Variants in CDH7 observed in about 807,000 individuals in gnomAD.
CDH7 encodes the protein cadherin 7.
CDH7 carries 25 observed loss-of-function variants against 71.8 expected under a neutral mutation model. That is an observed-to-expected ratio of 0.35 (90% confidence interval 0.25 to 0.49). The LOEUF is 0.49. CDH7 is among the 20% of genes least tolerant of loss of function. The pLI, the probability that CDH7 is intolerant of heterozygous loss-of-function variation, is 0.99. For missense variants in CDH7, 862 were observed against 974.6 expected (o/e 0.88, Z 1.54); for synonymous variants, 381 against 363.8 (o/e 1.05, Z -0.54).
chr18:65,750,776 C>T (rs2143759195), upstream of CDH7: 1 of 152,534 alleles, frequency 6.6e-6, no homozygotes, highest in East Asian at 1.9e-4. Context: ...CCGGCGCGCT[C>T]TCTCCTCCTC....
intron 7 of CDH7, among the ~76,000 whole-genome samples, chr18:65,848,705 ATAT>A (rs1176870949): frequency 1.3e-5 from 2 of 152,222 alleles, no homozygotes; most frequent in African/African-American, 4.8e-5. Flanking sequence ...ATAGAACATG[ATAT>A]TATTACAAAT....
At chr18:65,831,633 T>C (rs1424187880) in intron 6 of CDH7, among the ~76,000 whole-genome samples, 1 of 152,084 alleles carries the variant, frequency 6.6e-6, no homozygotes, top group Non-Finnish European at 1.5e-5. Flanking sequence ...GAGCCTACAT[T>C]ATACCCTAGA....
At chr18:65,761,656 G>T (rs1043454823) in intron 1 of CDH7, among the ~76,000 whole-genome samples, 2 of 152,088 alleles carry the variant, frequency 1.3e-5, no homozygotes, top group African/African-American at 4.8e-5. Flanking sequence ...GGTGATTTAA[G>T]TGAGGACTTT....
At chr18:65,856,247 A>G (rs1913350466) in intron 7 of CDH7, among the ~76,000 whole-genome samples, 1 of 152,152 alleles carries the variant, frequency 6.6e-6, no homozygotes, top group African/African-American at 2.4e-5. Flanking sequence ...CACACTTTCA[A>G]ATTCCTGACA....
intron 11 of CDH7, among the ~76,000 whole-genome samples, chr18:65,870,233 C>G (rs1162730921): frequency 6.6e-6 from 1 of 152,066 alleles, no homozygotes; most frequent in Non-Finnish European, 1.5e-5. Flanking sequence ...CTTTAGTTAT[C>G]CTTTGCAAAA....
At chr18:65,797,245 TC>T (rs768216022) in intron 2 of CDH7, among the ~76,000 whole-genome samples, 1 of 152,216 alleles carries the variant, frequency 6.6e-6, no homozygotes, top group African/African-American at 2.4e-5. Context: ...TTTGAGAATG[TC>T]GTATTCTCCC....
chr18:65,821,692 G>T (rs1455448497), intron 4 of CDH7, among the ~76,000 whole-genome samples: 1 of 152,024 alleles, frequency 6.6e-6, no homozygotes, highest in Non-Finnish European at 1.5e-5. Context: ...GATAGTAAGT[G>T]GTTATGCATT....
intron 1 of CDH7, among the ~76,000 whole-genome samples, chr18:65,757,340 G>T (rs1057234480): frequency 1.3e-5 from 2 of 152,084 alleles, no homozygotes; most frequent in Admixed American, 1.3e-4. Context: ...CATATCAAAT[G>T]ACGTTGATTT....
rs150901847 is a variant in CDH7 at position 65,834,404 on chromosome 18, T to C, written c.982-9408T>C. On this transcript the variant is annotated intron_variant, in intron 6 of 11. Coordinates refer to ENST00000397968, the MANE Select transcript of CDH7 (RefSeq NM_004361.5). ...CATGCATGGCAATCAAAGAGACCAT[T>C]GATAACATCCATGGAGGGCACAAAT... 1.7e-4 allele frequency among the ~76,000 whole-genome samples: 26 copies of C among 152,334 alleles called. No individual in the cohort carries two copies. In the East Asian group the frequency reaches 4.8e-3, roughly 28 times the overall value.
At chr18:65,751,699 A>G (rs1915884973) in intron 1 of CDH7, among the ~76,000 whole-genome samples, 1 of 152,040 alleles carries the variant, frequency 6.6e-6, no homozygotes, top group Non-Finnish European at 1.5e-5. Context: ...TTTCCCCTGT[A>G]ATTAGTATTC....
intron 7 of CDH7, among the ~76,000 whole-genome samples, chr18:65,852,949 T>C (rs1236470833): frequency 6.6e-6 from 1 of 152,038 alleles, no homozygotes; most frequent in African/African-American, 2.4e-5. Flanking sequence ...CATAGATATA[T>C]TGAGATTGAA....
At chr18:65,847,057 A>T (rs1448046160) in intron 7 of CDH7, among the ~76,000 whole-genome samples, 1 of 152,036 alleles carries the variant, frequency 6.6e-6, no homozygotes, top group Non-Finnish European at 1.5e-5. Flanking sequence ...GATATAACAT[A>T]TTGTATGGCT....
At chr18:65,761,097 T>C (rs1176224217) in intron 1 of CDH7, among the ~76,000 whole-genome samples, 4 of 152,198 alleles carry the variant, frequency 2.6e-5, no homozygotes, top group African/African-American at 9.6e-5. Context: ...GTAGATTGTG[T>C]TCTCTGCACA....
chr18:65,780,985 A>T (rs1598999188), intron 2 of CDH7, among the ~76,000 whole-genome samples: 1 of 105,578 alleles, frequency 9.5e-6, no homozygotes, highest in African/African-American at 3.5e-5. Flanking sequence ...ATGCTCATTT[A>T]TTTGCACTAG....
At chr18:65,840,538 C>T (rs978195048) in intron 6 of CDH7, among the ~76,000 whole-genome samples, 25 of 152,074 alleles carry the variant, frequency 1.6e-4, no homozygotes, top group Admixed American at 2.0e-4. Context: ...GGGAAGGAAC[C>T]AGTGGGAGAT....
chr18:65,860,726 T>C (rs1913534406), intron 10 of CDH7, among the ~76,000 whole-genome samples: 1 of 152,180 alleles, frequency 6.6e-6, no homozygotes, highest in African/African-American at 2.4e-5. Flanking sequence ...TTGCTAGTCA[T>C]TACTGGCTTG....
In CDH7 at chr18:65,879,965, A is replaced by G. The variant is rs188561093; in HGVS notation, c.1865-436A>G. Among the ~76,000 whole-genome samples the G allele has an allele frequency of 8.5e-5, 13 of 152,350 alleles. No homozygotes were observed. In the Middle Eastern group the frequency reaches 0.01, roughly 120 times the overall value. On this transcript the variant is annotated intron_variant, in intron 11 of 11. Transcript: ENST00000397968. The stretch of plus-strand genomic sequence containing the variant: ...TCTTCAAAGAACCTGACCGAGTGCT[A>G]TAAACCATTTCTTTGTGAAATTGCA...
rs1211918137 is a variant in CDH7, at chr18:65,881,802, A to G, written c.*908A>G. On this transcript the variant is annotated 3_prime_UTR_variant, in exon 12 of 12. Transcript: ENST00000397968. ...TGCTGATTTTTCTCCAGCCCGAGCT[A>G]CATGAAGGAAATGAAGCATGGAAAT... The G allele has an allele frequency of 2.0e-5, 3 of 152,202 alleles. No individual in the cohort carries two copies. Among genetic ancestry groups the G allele is most frequent in the African/African-American group, 7.2e-5 (3 of 41,460 alleles). 9.4% of individuals were successfully genotyped at this position (152,202 alleles called of 1,614,324 possible). A position where few individuals can be genotyped will look rare whatever the true frequency, so the allele number is the denominator to read the frequency against.
At chr18:65,854,948 TACAC>T (rs1234726005) in intron 7 of CDH7, among the ~76,000 whole-genome samples, 3 of 150,278 alleles carry the variant, frequency 2.0e-5, no homozygotes, top group African/African-American at 2.5e-5. Context: ...CACATATATA[TACAC>T]ACACACACAC....
Sources: gnomAD v4.1 joint callset for allele counts (sites outside exome capture counted in the v4.1 genomes callset) on GRCh38, gnomAD v4.1.1 for gene constraint, MANE v1.5 for transcripts, NCBI Gene and HGNC (gene_info 2026-07-23, HGNC 2026-07-21) for gene names.